Variants in DYNC1I1 observed in about 807,000 individuals in gnomAD.
DYNC1I1 encodes dynein cytoplasmic 1 intermediate chain 1, also known as cytoplasmic dynein 1 intermediate chain 1.
DYNC1I1 carries 43 observed loss-of-function variants against 86.6 expected under a neutral mutation model. The ratio of observed to expected loss-of-function variants is 0.50; its 90% CI spans 0.39 to 0.64. DYNC1I1 has a LOEUF of 0.64. DYNC1I1 is among the 30% of genes least tolerant of loss of function. DYNC1I1 has a pLI of 0.00. For missense variants in DYNC1I1, 604 were observed against 788.8 expected, an observed-to-expected ratio of 0.77 and a Z score of 2.81; for synonymous variants, 262 against 283.7, an observed-to-expected ratio of 0.92 and a Z score of 0.77.
intron 14 of DYNC1I1, among the ~76,000 whole-genome samples, chr7:96,075,829 C>A (rs183488177): frequency 2.0e-5 from 3 of 152,166 alleles, no homozygotes; most frequent in Non-Finnish European, 4.4e-5. Flanking sequence ...GCCTCCCCAC[C>A]CCCGGTCCCA....
At chr7:95,855,753 C>T (rs954920095) in intron 5 of DYNC1I1, among the ~76,000 whole-genome samples, 5 of 151,944 alleles carry the variant, frequency 3.3e-5, no homozygotes, top group Non-Finnish European at 5.9e-5. Context: ...GTATCTTAAC[C>T]GTATCTAAAC....
intron 6 of DYNC1I1, among the ~76,000 whole-genome samples, chr7:95,907,164 C>A (rs1791197097): frequency 6.6e-6 from 1 of 152,056 alleles, no homozygotes; most frequent in Non-Finnish European, 1.5e-5. Context: ...GAGCTACTTG[C>A]TTTTTCTTGT....
chr7:95,773,382 CG>C (rs1453139357), intron 1 of DYNC1I1, among the ~76,000 whole-genome samples: 7 of 152,174 alleles, frequency 4.6e-5, no homozygotes, highest in Non-Finnish European at 1.0e-4. Flanking sequence ...AACACCTTCA[CG>C]GCCGCCTGGC....
chr7:95,906,531 G>A (rs542814265), intron 6 of DYNC1I1, among the ~76,000 whole-genome samples: 22 of 151,616 alleles, frequency 1.5e-4, no homozygotes, highest in African/African-American at 5.3e-4. Context: ...TGTGCTCACA[G>A]TGAGTCCTTG....
chr7:96,056,212 G>A (rs908145466), intron 14 of DYNC1I1: 2 of 151,998 alleles, frequency 1.3e-5, no homozygotes, highest in African/African-American at 4.8e-5. Flanking sequence ...TCAATGAGCT[G>A]AGTTTTGCTG....
rs777554219 is a variant in DYNC1I1, at chr7:95,831,968, C to CT, written c.374+3861dup. ...GCCTTATCATTGTATTGGTTGTTTT[C>CT]TTTTTTTTTATTATTATACTTTAAG... On this transcript the variant is annotated intron_variant, in intron 5 of 16. Transcript: ENST00000447467. Among the ~76,000 whole-genome samples, 1,369 of 150,840 alleles carry CT rather than the reference C, an allele frequency of 9.1e-3. 18 individuals carry two copies. The highest frequency in any genetic ancestry group is 0.031 in the African/African-American group (1,268 of 40,930).
chr7:95,836,457 C>G (rs1789094012), intron 5 of DYNC1I1, among the ~76,000 whole-genome samples: 1 of 151,394 alleles, frequency 6.6e-6, no homozygotes, highest in South Asian at 2.1e-4. Context: ...TGGAGTTGCT[C>G]TTCTCGAGGA....
At chr7:95,986,048 G>GTA (rs1793583463) in intron 8 of DYNC1I1, among the ~76,000 whole-genome samples, 1 of 151,430 alleles carries the variant, frequency 6.6e-6, no homozygotes, top group South Asian at 2.1e-4. Context: ...GTGTGTGTGT[G>GTA]TGTGTGTGTG....
chr7:96,088,923 T>A (rs10487142), intron 16 of DYNC1I1, among the ~76,000 whole-genome samples: 35,220 of 151,990 alleles, frequency 0.23, 4,679 homozygotes, highest in East Asian at 0.38. Flanking sequence ...TTAAGAAATA[T>A]CCAAACTGCT....
chr7:96,061,586 C>A (rs547037021), intron 14 of DYNC1I1, among the ~76,000 whole-genome samples: 1 of 151,926 alleles, frequency 6.6e-6, no homozygotes, highest in Non-Finnish European at 1.5e-5. Flanking sequence ...GTGGAATCTC[C>A]GAACCCTCCC....
chr7:95,972,459 T>C (rs1479271488), intron 6 of DYNC1I1, among the ~76,000 whole-genome samples: 1 of 152,130 alleles, frequency 6.6e-6, no homozygotes, highest in East Asian at 1.9e-4. Flanking sequence ...GTCTGTGCCC[T>C]GGCCACCAGG....
At chr7:96,027,591 A>G (rs1335763598) in intron 10 of DYNC1I1, among the ~76,000 whole-genome samples, 1 of 152,194 alleles carries the variant, frequency 6.6e-6, no homozygotes, top group East Asian at 1.9e-4. Flanking sequence ...TAAGATCAGG[A>G]AGAATGCCCA....
rs1794585622 is a variant in DYNC1I1 at position 96,022,800 on chromosome 7, GTGAGCTATGACT to G, written c.970-5362_970-5351del. Reference sequence around the variant, plus strand: ...GGATCACTTGAGCCTGGGAGCTCAAGTGAGCTATGACTTGAGCTATGACTGTGCCATTGCATT... The same window carrying G: ...GGATCACTTGAGCCTGGGAGCTCAAGTGAGCTATGACTGTGCCATTGCATT... On this transcript the variant is annotated intron_variant, in intron 10 of 16. Transcript: ENST00000447467. Among the ~76,000 whole-genome samples, 13 of 152,162 alleles carry G rather than the reference GTGAGCTATGACT, an allele frequency of 8.5e-5. No homozygotes were observed. The South Asian group carries it at 2.7e-3, about 32-fold the overall frequency.
chr7:95,817,214 TAA>T (rs34412998), intron 4 of DYNC1I1, among the ~76,000 whole-genome samples: 66 of 138,900 alleles, frequency 4.8e-4, no homozygotes, highest in Admixed American at 5.1e-4. Flanking sequence ...CATCCAAGAT[TAA>T]AAAAAAAAAA....
At chr7:95,901,933 A>G (rs963482324) in intron 6 of DYNC1I1, among the ~76,000 whole-genome samples, 1 of 152,216 alleles carries the variant, frequency 6.6e-6, no homozygotes, top group Non-Finnish European at 1.5e-5. Context: ...TGCTGAACAA[A>G]TGTTTAAGAG....
intron 14 of DYNC1I1, among the ~76,000 whole-genome samples, chr7:96,075,730 G>C (rs960645433): frequency 2.6e-5 from 4 of 152,158 alleles, no homozygotes; most frequent in Non-Finnish European, 4.4e-5. Context: ...CGAGCATCTC[G>C]CAAAGCGTTG....
At chr7:96,084,427 C>CT (rs1232358476) in intron 16 of DYNC1I1, among the ~76,000 whole-genome samples, 11 of 139,384 alleles carry the variant, frequency 7.9e-5, no homozygotes, top group African/African-American at 2.6e-4. Flanking sequence ...ACCTGTTTCT[C>CT]TTTTTTTTTC....
At chr7:95,957,648 C>T (rs1283779753) in intron 6 of DYNC1I1, among the ~76,000 whole-genome samples, 1 of 152,154 alleles carries the variant, frequency 6.6e-6, no homozygotes. Flanking sequence ...CTGGAGATGT[C>T]AGGATTGGGG....
chr7:96,000,685 G>T (rs1002234187), intron 10 of DYNC1I1, among the ~76,000 whole-genome samples: 1 of 152,178 alleles, frequency 6.6e-6, no homozygotes, highest in African/African-American at 2.4e-5. Flanking sequence ...CAGGAAGCTG[G>T]AAGCAGAAAA....
Sources: allele counts gnomAD v4.1 joint callset (sites outside exome capture counted in the v4.1 genomes callset), GRCh38; gene constraint gnomAD v4.1.1; transcripts MANE v1.5; gene names NCBI Gene and HGNC (gene_info 2026-07-23, HGNC 2026-07-21).